Variants in STAU2 observed in about 807,000 individuals in gnomAD.
STAU2 encodes the protein double-stranded RNA-binding protein Staufen homolog 2.
In STAU2, 20 loss-of-function variants were observed where a neutral mutation model predicts 65.9. The observed-to-expected ratio is 0.30, with a 90% CI of 0.21 to 0.44. The LOEUF (loss-of-function observed/expected upper bound fraction) is 0.44. Among genes scored for constraint, STAU2 ranks in the 20% least tolerant of loss-of-function variants. The pLI is 1.00. For synonymous variants in STAU2, 232 were observed against 233.9 expected, an observed-to-expected ratio of 0.99 and a Z score of 0.07; for missense variants, 558 against 683.9, an observed-to-expected ratio of 0.82 and a Z score of 2.05.
At chr8:73,654,664 A>AAAAAAAAC (rs1554556802) in intron 6 of STAU2, among the ~76,000 whole-genome samples, 1 of 122,986 alleles carries the variant, frequency 8.1e-6, no homozygotes, top group Admixed American at 8.8e-5. Flanking sequence ...AAAAAAAAGA[A>AAAAAAAAC]CTCTTTTAAT....
At chr8:73,592,173 A>T (rs1810871138) in intron 11 of STAU2, among the ~76,000 whole-genome samples, 1 of 151,908 alleles carries the variant, frequency 6.6e-6, no homozygotes, top group Admixed American at 6.6e-5. Context: ...ACTAAAACCT[A>T]ATTGTTTGAA....
intron 3 of STAU2, among the ~76,000 whole-genome samples, chr8:73,711,131 C>CAA (rs751087630): frequency 0.13 from 3,998 of 31,068 alleles, 960 homozygotes; most frequent in East Asian, 0.27. Flanking sequence ...AAGTGGCTTG[C>CAA]AAAAAAAAAA....
intron 12 of STAU2, among the ~76,000 whole-genome samples, chr8:73,565,554 A>C (rs1586016143): frequency 6.6e-6 from 1 of 152,294 alleles, no homozygotes. Flanking sequence ...CAGTGAGCCC[A>C]CCATATTTGT....
intron 6 of STAU2, among the ~76,000 whole-genome samples, chr8:73,637,326 G>A (rs1340435760): frequency 6.6e-6 from 1 of 151,206 alleles, no homozygotes; most frequent in African/African-American, 2.4e-5. Flanking sequence ...AACCACACAA[G>A]ATATGTTATA....
At chr8:73,627,025 G>A (rs1246347302) in intron 6 of STAU2, among the ~76,000 whole-genome samples, 1 of 151,988 alleles carries the variant, frequency 6.6e-6, no homozygotes, top group Non-Finnish European at 1.5e-5. Flanking sequence ...AAGCAAAGCA[G>A]TGCTGGAAGT....
At chr8:73,637,720 A>C (rs1288649155) in intron 6 of STAU2, among the ~76,000 whole-genome samples, 2 of 151,930 alleles carry the variant, frequency 1.3e-5, no homozygotes, top group African/African-American at 2.4e-5. Context: ...CAAAAACAAA[A>C]ACAAACACAA....
chr8:73,617,180 C>T, intron 7 of STAU2, 112 bp downstream of exon 7: 2 of 1,296,362 alleles, frequency 1.5e-6, no homozygotes, highest in Non-Finnish European at 2.1e-6. Flanking sequence ...CAGGTCTTCA[C>T]TCTAGTATTC....
intron 5 of STAU2, among the ~76,000 whole-genome samples, chr8:73,687,720 T>C (rs554031772): frequency 6.6e-6 from 1 of 150,926 alleles, no homozygotes; most frequent in African/African-American, 2.4e-5. Flanking sequence ...TTTTTGTTTG[T>C]TTGTTTTTTG....
chr8:73,605,264 A>T (rs1563452659), intron 9 of STAU2, among the ~76,000 whole-genome samples: 6 of 151,652 alleles, frequency 4.0e-5, no homozygotes, highest in Non-Finnish European at 8.8e-5. Context: ...AAGACTCAAC[A>T]ATAAGATGTC....
intron 5 of STAU2, among the ~76,000 whole-genome samples, chr8:73,685,442 T>C (rs1470841838): frequency 1.3e-5 from 2 of 151,164 alleles, no homozygotes; most frequent in Admixed American, 1.3e-4. Context: ...AGTGGTGCGA[T>C]CTCAGCTCAC....
chr8:73,567,519 T>A (rs116426355), intron 12 of STAU2, among the ~76,000 whole-genome samples: 12 of 148,904 alleles, frequency 8.1e-5, no homozygotes, highest in African/African-American at 2.2e-4. Flanking sequence ...ATTAAAAAAA[T>A]TGATTTTTTT....
At chr8:73,446,016 A>G (rs996821700) in intron 13 of STAU2, among the ~76,000 whole-genome samples, 2 of 152,238 alleles carry the variant, frequency 1.3e-5, no homozygotes. Context: ...TCCATAAAAA[A>G]ACCTGTACAC....
chr8:73,451,378 A>G (rs1392424703), intron 13 of STAU2, among the ~76,000 whole-genome samples: 2 of 152,132 alleles, frequency 1.3e-5, no homozygotes, highest in Non-Finnish European at 2.9e-5. Flanking sequence ...TAAATCTTGC[A>G]GCTGACAGAG....
intron 12 of STAU2, among the ~76,000 whole-genome samples, chr8:73,555,516 T>A (rs1258077588): frequency 6.6e-6 from 1 of 151,822 alleles, no homozygotes; most frequent in Non-Finnish European, 1.5e-5. Context: ...TTCAACCAAC[T>A]GTGGATAGAA....
rs866770000 is a variant in STAU2, at chr8:73,433,274, G to A, written c.1531-10572C>T. Among the ~76,000 whole-genome samples, 3 of 151,418 alleles carry A rather than the reference G, an allele frequency of 2.0e-5. 1 individual carries two copies. Among genetic ancestry groups the A allele is most frequent in the South Asian group, 4.2e-4 (2 of 4,776 alleles). On this transcript the variant is annotated intron_variant, in intron 13 of 14. Transcript: ENST00000524300. ...GGCTGGAGTGCAATGGTGCAATCTC[G>A]GCTCACTGGAACCTCCGCCTCCCGG...
At chr8:73,515,933 CTT>C (rs570606347) in intron 13 of STAU2, among the ~76,000 whole-genome samples, 13 of 126,644 alleles carry the variant, frequency 1.0e-4, no homozygotes, top group Admixed American at 8.0e-5. Flanking sequence ...GGCACTGACT[CTT>C]TTTTTTTTTT....
chr8:73,617,793 G>A (rs1026560235), intron 6 of STAU2, among the ~76,000 whole-genome samples: 2 of 152,198 alleles, frequency 1.3e-5, no homozygotes, highest in Non-Finnish European at 2.9e-5. Context: ...CAGAGGCTGG[G>A]TCAGGCAAGA....
intron 11 of STAU2, among the ~76,000 whole-genome samples, chr8:73,588,562 C>T (rs1810543305): frequency 6.6e-6 from 1 of 151,806 alleles, no homozygotes; most frequent in South Asian, 2.1e-4. Context: ...TTCTCCAATA[C>T]AAAACAAAAA....
intron 3 of STAU2, among the ~76,000 whole-genome samples, chr8:73,735,379 T>C (rs954118359): frequency 6.6e-6 from 1 of 152,184 alleles, no homozygotes; most frequent in African/African-American, 2.4e-5. Context: ...GTTTGGGGGA[T>C]GACAGTTATA....
Sources: allele counts gnomAD v4.1 joint callset (sites outside exome capture counted in the v4.1 genomes callset), GRCh38; gene constraint gnomAD v4.1.1; transcripts MANE v1.5; gene names NCBI Gene and HGNC (gene_info 2026-07-23, HGNC 2026-07-21).